The following RNF111 variants were observed in gnomAD, a reference collection of about 807,000 sequenced individuals.
The protein encoded by RNF111 is E3 ubiquitin-protein ligase Arkadia.
RNF111 carries 17 observed loss-of-function variants against 95.1 expected under a neutral mutation model. The ratio of observed to expected loss-of-function variants is 0.18; its 90% CI spans 0.12 to 0.27. The LOEUF (loss-of-function observed/expected upper bound fraction) is 0.27, where lower values mean the gene tolerates loss of function less well. Among genes scored for constraint, RNF111 ranks in the 10% least tolerant of loss-of-function variants. The pLI, the probability that RNF111 is intolerant of heterozygous loss-of-function variation, is 1.00. For missense variants in RNF111, 1,189 were observed against 1,210.4 expected, an observed-to-expected ratio of 0.98 and a Z score of 0.26; for synonymous variants, 440 against 414.8, an observed-to-expected ratio of 1.06 and a Z score of -0.74.
chr15:59,040,096 T>C (rs1473692220), intron 2 of RNF111, among the ~76,000 whole-genome samples: 1 of 152,026 alleles, frequency 6.6e-6, no homozygotes, highest in Non-Finnish European at 1.5e-5. Flanking sequence ...GCCAATGCTT[T>C]TGGCTTTTTT....
intron 6 of RNF111, among the ~76,000 whole-genome samples, chr15:59,071,361 G>A (rs1262484087): frequency 6.6e-6 from 1 of 151,254 alleles, no homozygotes; most frequent in Admixed American, 6.6e-5. Context: ...GAGTAGAGGT[G>A]AAAGTGTTTT....
chr15:58,996,140 G>T (rs1404319898), intron 1 of RNF111, among the ~76,000 whole-genome samples: 5 of 151,908 alleles, frequency 3.3e-5, no homozygotes, highest in Admixed American at 1.3e-4. Context: ...TATGAAATGA[G>T]AAAAAATTGT....
At chr15:59,058,698 T>C in intron 5 of RNF111, 148 bp downstream of exon 5, 1 of 689,442 alleles carries the variant, frequency 1.5e-6, no homozygotes, top group Non-Finnish European at 2.4e-6. Context: ...AGGTAGTCTT[T>C]ATTATAATTA....
At chr15:59,007,844 T>G (rs1163708427) in intron 1 of RNF111, among the ~76,000 whole-genome samples, 2 of 152,214 alleles carry the variant, frequency 1.3e-5, no homozygotes, top group Non-Finnish European at 1.5e-5. Context: ...GGGGTTGTGT[T>G]ATTAGAATAT....
At position 59,089,652 on chromosome 15, in the gene RNF111, C is replaced by G. The variant is rs1346802350; in HGVS notation, c.2551-15C>G. ...TTCTTAAAATTGATTTAGCCTATCTCTTCTGTTGAAATAGGTTCCTGATAT... is the reference window on the plus strand; with the variant it reads ...TTCTTAAAATTGATTTAGCCTATCTGTTCTGTTGAAATAGGTTCCTGATAT... On this transcript the variant is annotated splice_polypyrimidine_tract_variant and intron_variant, in intron 10 of 13. Coordinates refer to ENST00000348370, the MANE Select transcript of RNF111 (RefSeq NM_017610.8). 1 of 1,591,536 alleles carries G rather than the reference C, an allele frequency of 6.3e-7. No homozygotes were observed. Among genetic ancestry groups the G allele is most frequent in the East Asian group, 2.2e-5 (1 of 44,720 alleles).
At chr15:59,075,109 GATAAA>G (rs1275617955) in intron 6 of RNF111, among the ~76,000 whole-genome samples, 3 of 152,088 alleles carry the variant, frequency 2.0e-5, no homozygotes, top group South Asian at 2.1e-4. Flanking sequence ...CACCATAACA[GATAAA>G]ATAATAATGA....
intron 1 of RNF111, among the ~76,000 whole-genome samples, chr15:59,017,753 CTTTTTTTTTT>C (rs200975904): frequency 5.0e-5 from 6 of 120,962 alleles, no homozygotes; most frequent in Admixed American, 1.6e-4. Flanking sequence ...TTGTTGAACT[CTTTTTTTTTT>C]TTTTTTTTTT....
At chr15:59,049,318 C>A (rs2041859287) in intron 2 of RNF111, 1 of 151,184 alleles carries the variant, frequency 6.6e-6, no homozygotes, top group East Asian at 1.9e-4. Context: ...TAGCGTAATG[C>A]CCTCAAGTTT....
In RNF111 at chr15:59,084,106, CT is replaced by C; in HGVS notation, c.2298-18del. The C allele has an allele frequency of 4.5e-6, 7 of 1,560,510 alleles. No homozygotes were observed. The South Asian group carries it at 5.0e-5, about 11-fold the overall frequency. On this transcript the variant is annotated intron_variant, in intron 8 of 13. Coordinates refer to ENST00000348370, the MANE Select transcript of RNF111 (RefSeq NM_017610.8). ...CAATTATTCAATTATTTCCAGTGGT[CT>C]TTTTGTGTTCTGTGTTTCCAGGCGG...
intron 1 of RNF111, among the ~76,000 whole-genome samples, chr15:58,999,774 GC>G (rs1392570567): frequency 1.3e-5 from 2 of 152,108 alleles, no homozygotes; most frequent in African/African-American, 2.4e-5. Context: ...GGTTTAATTG[GC>G]TCAAGGTTCC....
At chr15:59,060,537 A>T (rs2042389478) in intron 5 of RNF111, among the ~76,000 whole-genome samples, 1 of 152,168 alleles carries the variant, frequency 6.6e-6, no homozygotes, top group African/African-American at 2.4e-5. Flanking sequence ...TCAGAGACTG[A>T]GTCAGGAGAA....
At chr15:59,013,536 T>C (rs1333849389) in intron 1 of RNF111, among the ~76,000 whole-genome samples, 1 of 152,230 alleles carries the variant, frequency 6.6e-6, no homozygotes, top group Non-Finnish European at 1.5e-5. Context: ...GCCCTGCCTT[T>C]CTCATCACAT....
chr15:59,087,878 G>T (rs1282111826), intron 10 of RNF111, among the ~76,000 whole-genome samples: 1 of 152,202 alleles, frequency 6.6e-6, no homozygotes, highest in Non-Finnish European at 1.5e-5. Flanking sequence ...GAAAGCATTT[G>T]GCAGTAGAGT....
intron 1 of RNF111, among the ~76,000 whole-genome samples, chr15:59,012,690 A>G (rs991823814): frequency 6.6e-6 from 1 of 151,974 alleles, no homozygotes; most frequent in East Asian, 1.9e-4. Context: ...CAGTGGAGCA[A>G]CTGGATGGTT....
At chr15:59,002,706 A>T (rs2039376259) in intron 1 of RNF111, among the ~76,000 whole-genome samples, 1 of 152,182 alleles carries the variant, frequency 6.6e-6, no homozygotes, top group East Asian at 1.9e-4. Context: ...AAAATGTGGC[A>T]CACAGTTCCC....
intron 7 of RNF111, among the ~76,000 whole-genome samples, chr15:59,077,147 A>T: frequency 6.6e-6 from 1 of 152,242 alleles, no homozygotes; most frequent in East Asian, 1.9e-4. Context: ...CAATGGGCCA[A>T]TTCTTTGTAT....
At chr15:59,081,344 C>G in intron 8 of RNF111, 60 bp downstream of exon 8, 7 of 1,391,000 alleles carry the variant, frequency 5.0e-6, no homozygotes, top group Non-Finnish European at 6.9e-6. Flanking sequence ...TTCCATTGGT[C>G]TTTACAACTC....
At chr15:59,081,595 T>A (rs877269) in intron 8 of RNF111, among the ~76,000 whole-genome samples, 39,887 of 151,954 alleles carry the variant, frequency 0.26, 5,419 homozygotes, top group Middle Eastern at 0.44. Flanking sequence ...TGAGGCTCAT[T>A]CCCGTAATCC....
intron 1 of RNF111, 91 bp from the exon 2 acceptor site, chr15:59,030,713 G>A (rs1294589369): frequency 2.4e-6 from 2 of 844,050 alleles, no homozygotes; most frequent in African/African-American, 3.4e-5. Flanking sequence ...CCTTTATAAG[G>A]GATCTTCTTG....
Sources: allele counts gnomAD v4.1 joint callset (sites outside exome capture counted in the v4.1 genomes callset), GRCh38; gene constraint gnomAD v4.1.1; transcripts MANE v1.5; gene names NCBI Gene and HGNC (gene_info 2026-07-23, HGNC 2026-07-21).